The following TLE4 variants were observed in gnomAD, a reference collection of about 807,000 sequenced individuals.
TLE4 encodes the protein TLE family member 4, transcriptional corepressor.
A neutral mutation model predicts 92.8 loss-of-function variants in TLE4; 8 were observed. The ratio of observed to expected loss-of-function variants is 0.09; its 90% CI spans 0.05 to 0.16. The LOEUF is 0.16. Among genes scored for constraint, TLE4 ranks in the 10% least tolerant of loss-of-function variants. The pLI is 1.00. For synonymous variants in TLE4, 371 were observed against 374.1 expected (o/e 0.99, Z 0.10); for missense variants, 675 against 997.6 (o/e 0.68, Z 4.36).
At chr9:79,692,881 G>A (rs1320623987) in intron 8 of TLE4, among the ~76,000 whole-genome samples, 1 of 152,100 alleles carries the variant, frequency 6.6e-6, no homozygotes, top group African/African-American at 2.4e-5. Context: ...ACTTTTGATG[G>A]GACACAGACA....
At chr9:79,721,673 G>A in intron 16 of TLE4, 68 bp from the exon 17 acceptor site, 1 of 1,600,006 alleles carries the variant, frequency 6.2e-7, no homozygotes, top group Non-Finnish European at 8.5e-7. Flanking sequence ...AATCATCAAG[G>A]AATTCTAAAT....
chr9:79,623,242 A>G (rs932631013), intron 5 of TLE4, among the ~76,000 whole-genome samples: 1 of 151,758 alleles, frequency 6.6e-6, no homozygotes. Flanking sequence ...GCTTTTTATT[A>G]CGGTTTTTTA....
intron 5 of TLE4, among the ~76,000 whole-genome samples, chr9:79,615,369 C>T (rs1325601968): frequency 6.6e-6 from 1 of 152,148 alleles, no homozygotes; most frequent in African/African-American, 2.4e-5. Context: ...GCAGCTGCTG[C>T]ATTAGAATTT....
At chr9:79,696,933 G>A (rs2068423166) in intron 8 of TLE4, among the ~76,000 whole-genome samples, 1 of 152,112 alleles carries the variant, frequency 6.6e-6, no homozygotes, top group Non-Finnish European at 1.5e-5. Context: ...CTCCACTTTT[G>A]TTTTTAGGGC....
intron 8 of TLE4, among the ~76,000 whole-genome samples, chr9:79,687,148 C>G (rs1476592460): frequency 2.6e-5 from 4 of 152,186 alleles, no homozygotes; most frequent in Admixed American, 2.6e-4. Context: ...TTTATGTAGC[C>G]TACATTCTTC....
chr9:79,647,412 G>A (rs759323439), intron 6 of TLE4, among the ~76,000 whole-genome samples: 14 of 152,024 alleles, frequency 9.2e-5, no homozygotes, highest in African/African-American at 1.7e-4. Context: ...TTAAAAGACC[G>A]ACAATAAAAA....
chr9:79,704,840 G>T lies in TLE4; in HGVS notation c.667G>T (p.Ala223Ser), dbSNP rs747212824. 9.3e-6 allele frequency: 15 copies of T among 1,613,972 alleles called. No homozygotes were observed. The African/African-American group carries it at 9.3e-5, about 10-fold the overall frequency. ...AGGTGCTGAGAAGCACAGAAACTCCGCAGACTACTCCTCAGAGAGCAAAAA... is the reference window on the plus strand; with the variant it reads ...AGGTGCTGAGAAGCACAGAAACTCCTCAGACTACTCCTCAGAGAGCAAAAA... Reference protein sequence around the residue: ...FRGAEKHRNSADYSSESKKQK... With the variant: ...FRGAEKHRNSSDYSSESKKQK... The change falls in exon 9 of 20, where the codon GCA becomes TCA. Residue 223 changes from alanine to serine, a missense_variant. Ala to Ser is a moderately conservative substitution (Grantham distance 99, BLOSUM62 1). Around this residue, in one of 5 missense-constraint regions of TLE4, gnomAD observed 280 missense variants for 287.3 expected, o/e 0.97. Coordinates refer to ENST00000376552, the MANE Select transcript of TLE4 (RefSeq NM_007005.6).
chr9:79,684,971 C>T lies in TLE4; in HGVS notation c.610-19812C>T, dbSNP rs76172431. Among the ~76,000 whole-genome samples the T allele has an allele frequency of 9.1e-3, 1,390 of 152,304 alleles. 27 individuals are homozygous for T. Among genetic ancestry groups the T allele is most frequent in the African/African-American group, 0.031 (1,303 of 41,564 alleles). On this transcript the variant is annotated intron_variant, in intron 8 of 19. Coordinates refer to ENST00000376552, the MANE Select transcript of TLE4 (RefSeq NM_007005.6). ...GAAAGTCTGCCCAAGTGGTGACTGG[C>T]TTGTAGCCTGGCACATGCGTCATGG...
intron 4 of TLE4, among the ~76,000 whole-genome samples, chr9:79,595,492 A>G (rs1293689011): frequency 1.3e-5 from 2 of 152,236 alleles, no homozygotes; most frequent in African/African-American, 4.8e-5. Context: ...ATCGGTAACA[A>G]TGTGGGAACT....
intron 8 of TLE4, among the ~76,000 whole-genome samples, chr9:79,656,827 ATTT>A (rs947211650): frequency 1.3e-5 from 2 of 152,226 alleles, no homozygotes; most frequent in East Asian, 3.8e-4. Flanking sequence ...GATTTAAGTA[ATTT>A]AGGTACTTTA....
At chr9:79,638,559 T>G (rs980951393) in intron 6 of TLE4, among the ~76,000 whole-genome samples, 1 of 152,024 alleles carries the variant, frequency 6.6e-6, no homozygotes, top group African/African-American at 2.4e-5. Flanking sequence ...TTTTTTTTTC[T>G]TGGTAGATTC....
intron 6 of TLE4, among the ~76,000 whole-genome samples, chr9:79,630,924 C>A (rs927504260): frequency 2.0e-5 from 3 of 152,046 alleles, no homozygotes; most frequent in Admixed American, 2.0e-4. Context: ...TAAAAATAGA[C>A]GATGTGGGTT....
intron 8 of TLE4, among the ~76,000 whole-genome samples, chr9:79,696,161 A>G (rs538843244): frequency 3.3e-4 from 51 of 152,348 alleles, no homozygotes; most frequent in Admixed American, 1.6e-3. Context: ...AAAAAAATGT[A>G]AAATGTCACA....
At chr9:79,670,242 A>G (rs940848191) in intron 8 of TLE4, among the ~76,000 whole-genome samples, 14 of 152,122 alleles carry the variant, frequency 9.2e-5, no homozygotes, top group African/African-American at 2.7e-4. Flanking sequence ...TAAGGCAAGA[A>G]GTTTATCACC....
intron 4 of TLE4, chr9:79,601,540 T>G: frequency 2.2e-6 from 1 of 449,752 alleles, no homozygotes; most frequent in Non-Finnish European, 4.5e-6. Context: ...AACTTTCTTA[T>G]TATTACTTTA....
chr9:79,600,890 A>C (rs763356322), intron 4 of TLE4, among the ~76,000 whole-genome samples: 4 of 152,166 alleles, frequency 2.6e-5, no homozygotes, highest in Non-Finnish European at 4.4e-5. Flanking sequence ...GGACCTAGTG[A>C]TGCCGTCGCA....
intron 1 of TLE4, 35 bp from the exon 2 acceptor site, chr9:79,573,654 G>A: frequency 2.0e-6 from 3 of 1,535,508 alleles, no homozygotes; most frequent in East Asian, 2.3e-5. Flanking sequence ...CGCCTGTGAT[G>A]TGGGCTAATT....
intron 6 of TLE4, among the ~76,000 whole-genome samples, chr9:79,647,070 C>G (rs892531757): frequency 6.6e-6 from 1 of 152,064 alleles, no homozygotes; most frequent in African/African-American, 2.4e-5. Context: ...CTAAATGCAA[C>G]GTTGTATGCT....
At position 79,599,179 on chromosome 9, in the gene TLE4, A is replaced by G. The variant is rs572901473; in HGVS notation, c.253-13477A>G. Among the ~76,000 whole-genome samples, 15 of 152,276 alleles carry G rather than the reference A, an allele frequency of 9.9e-5. No individual in the cohort carries two copies. In the South Asian group the frequency reaches 3.1e-3, roughly 32 times the overall value. On this transcript the variant is annotated intron_variant, in intron 4 of 19. Coordinates refer to ENST00000376552, the MANE Select transcript of TLE4 (RefSeq NM_007005.6). ...ATAACTTTCCTAGGAATTGACCTTG[A>G]TGGGCCCTTACTGCCTTCTAAATAA...
Sources: allele counts gnomAD v4.1 joint callset (sites outside exome capture counted in the v4.1 genomes callset), GRCh38; gene constraint gnomAD v4.1.1; regional missense constraint gnomAD v4.1.1; transcripts MANE v1.5; gene names NCBI Gene and HGNC (gene_info 2026-07-23, HGNC 2026-07-21).